BCL2L1: variants seen among roughly 807,000 people sequenced by gnomAD.
BCL2L1 encodes the protein BCL2 like 1.
BCL2L1 carries 1 observed loss-of-function variant against 18.7 expected under a neutral mutation model. The observed-to-expected ratio is 0.05, with a 90% CI of 0.02 to 0.25. BCL2L1 has a LOEUF of 0.25. Among genes scored for constraint, BCL2L1 ranks in the 10% least tolerant of loss-of-function variants. The probability of loss-of-function intolerance (pLI) is 1.00; values close to 1 mark genes in which losing one functional copy is unlikely to be tolerated. For synonymous variants in BCL2L1, 103 were observed against 122.7 expected, an observed-to-expected ratio of 0.84 and a Z score of 1.06; for missense variants, 207 against 304.9, an observed-to-expected ratio of 0.68 and a Z score of 2.39.
chr20:31,665,889 C>T lies in BCL2L1; in HGVS notation c.*60G>A, dbSNP rs967769834. ...TCTCCTGGTGGCAATGGCGGCTGGA[C>T]GGAGGATGTGGTGGAGCAGAGAAGG... On this transcript the variant is annotated 3_prime_UTR_variant, in exon 3 of 3. Coordinates refer to ENST00000307677, the MANE Select transcript of BCL2L1 (RefSeq NM_138578.3). 33 of 1,586,528 alleles carry T rather than the reference C, an allele frequency of 2.1e-5. No individual in the cohort carries two copies. Among genetic ancestry groups the T allele is most frequent in the African/African-American group, 5.4e-5 (4 of 74,370 alleles).
At chr20:31,721,001 G>A (rs6060898) in intron 2 of BCL2L1, 18 of 984,114 alleles carry the variant, frequency 1.8e-5, no homozygotes, top group East Asian at 2.3e-4. Flanking sequence ...GCAGAAAGTC[G>A]CACACTTTGG....
chr20:31,692,160 T>C (rs1436312923), intron 2 of BCL2L1, among the ~76,000 whole-genome samples: 1 of 152,232 alleles, frequency 6.6e-6, no homozygotes, highest in African/African-American at 2.4e-5. Context: ...AGCCCAGCAA[T>C]CTGAGGTTTA....
At chr20:31,683,769 CAAAAAAAAAAAA>C (rs372160646) in intron 2 of BCL2L1, among the ~76,000 whole-genome samples, 3 of 80,666 alleles carry the variant, frequency 3.7e-5, no homozygotes, top group East Asian at 1.9e-3. Flanking sequence ...AACTCCATCT[CAAAAAAAAAAAA>C]AAAAAAAAAA....
chr20:31,665,932 G>C lies in BCL2L1; in HGVS notation c.*17C>G. 6.2e-7 allele frequency: 1 copy of C among 1,611,998 alleles called. No homozygotes were observed. Among genetic ancestry groups the C allele is most frequent in the Non-Finnish European group, 8.5e-7 (1 of 1,179,350 alleles). Reference sequence around the variant, plus strand: ...AGAGAAGGGGGTGGGAGGGTAGAGTGGATGGTCAGTGTCTGGTCATTTCCG... The same window carrying C: ...AGAGAAGGGGGTGGGAGGGTAGAGTCGATGGTCAGTGTCTGGTCATTTCCG... On this transcript the variant is annotated 3_prime_UTR_variant, in exon 3 of 3. Coordinates refer to ENST00000307677, the MANE Select transcript of BCL2L1 (RefSeq NM_138578.3).
intron 2 of BCL2L1, among the ~76,000 whole-genome samples, chr20:31,670,203 C>A (rs1331562228): frequency 6.6e-6 from 1 of 152,210 alleles, no homozygotes; most frequent in Non-Finnish European, 1.5e-5. Flanking sequence ...CCCTCTCCAT[C>A]CTAGCTAGCC....
intron 2 of BCL2L1, among the ~76,000 whole-genome samples, chr20:31,685,036 T>C (rs1436807513): frequency 6.6e-6 from 1 of 152,210 alleles, no homozygotes; most frequent in Non-Finnish European, 1.5e-5. Flanking sequence ...AGAGACTCTA[T>C]ATAATTTTTA....
intron 2 of BCL2L1, among the ~76,000 whole-genome samples, chr20:31,681,888 T>C (rs1332689493): frequency 6.6e-6 from 1 of 151,984 alleles, no homozygotes; most frequent in Non-Finnish European, 1.5e-5. Context: ...AAAGTGTGGA[T>C]GGCAATAAGA....
intron 2 of BCL2L1, chr20:31,720,229 G>A (rs1600321237): frequency 2.2e-6 from 2 of 905,380 alleles, no homozygotes; most frequent in East Asian, 2.4e-4. Flanking sequence ...ATGAGAGAGG[G>A]GGTGGGGTTC....
At chr20:31,677,834 C>A (rs924190150) in intron 2 of BCL2L1, among the ~76,000 whole-genome samples, 1 of 152,206 alleles carries the variant, frequency 6.6e-6, no homozygotes, top group Non-Finnish European at 1.5e-5. Context: ...TCACTTCTTC[C>A]CCCATCTGAC....
At chr20:31,719,972 CAA>C (rs2061596330) in intron 2 of BCL2L1, 2 of 554,986 alleles carry the variant, frequency 3.6e-6, no homozygotes, top group African/African-American at 2.1e-5. Context: ...ATATTTGCCC[CAA>C]AAGAGAATCA....
At chr20:31,683,827 G>A (rs2060908321) in intron 2 of BCL2L1, among the ~76,000 whole-genome samples, 3 of 147,586 alleles carry the variant, frequency 2.0e-5, no homozygotes, top group Non-Finnish European at 4.5e-5. Context: ...CTTCATGAAG[G>A]CAGGTATCCC....
At chr20:31,679,610 C>T (rs188861771) in intron 2 of BCL2L1, among the ~76,000 whole-genome samples, 4 of 152,304 alleles carry the variant, frequency 2.6e-5, no homozygotes, top group Admixed American at 6.5e-5. Context: ...GTTCAATGGT[C>T]CATGGTAAGC....
intron 2 of BCL2L1, chr20:31,720,912 A>T (rs773590683): frequency 1.0e-6 from 1 of 985,374 alleles, no homozygotes; most frequent in Non-Finnish European, 1.2e-6. Context: ...GAGCTCCCCA[A>T]CCGACCCCAG....
chr20:31,696,158 AGACTG>A (rs2061166055), intron 2 of BCL2L1, among the ~76,000 whole-genome samples: 1 of 152,244 alleles, frequency 6.6e-6, no homozygotes, highest in Non-Finnish European at 1.5e-5. Flanking sequence ...TGGTTCGTTC[AGACTG>A]TATGTCCAAC....
At chr20:31,677,755 T>C (rs2060787246) in intron 2 of BCL2L1, among the ~76,000 whole-genome samples, 1 of 152,220 alleles carries the variant, frequency 6.6e-6, no homozygotes. Context: ...CTGGTGCTTC[T>C]ACCAAGCTCT....
At chr20:31,695,260 A>G (rs552247983) in intron 2 of BCL2L1, among the ~76,000 whole-genome samples, 77 of 152,256 alleles carry the variant, frequency 5.1e-4, no homozygotes, top group African/African-American at 1.8e-3. Context: ...CACATCAGAG[A>G]GATCCTTCTA....
At chr20:31,716,842 A>C (rs1462038105) in intron 2 of BCL2L1, 1 of 152,212 alleles carries the variant, frequency 6.6e-6, no homozygotes, top group African/African-American at 2.4e-5. Flanking sequence ...CTCTTCCTTC[A>C]GATATCTGAA....
At chr20:31,668,029 C>G (rs1376750368) in intron 2 of BCL2L1, among the ~76,000 whole-genome samples, 2 of 152,138 alleles carry the variant, frequency 1.3e-5, no homozygotes, top group Non-Finnish European at 2.9e-5. Context: ...CTAGTGGGAT[C>G]TGGCTCCAAC....
At chr20:31,695,503 G>A (rs970209431) in intron 2 of BCL2L1, among the ~76,000 whole-genome samples, 1 of 152,176 alleles carries the variant, frequency 6.6e-6, no homozygotes, top group Non-Finnish European at 1.5e-5. Flanking sequence ...GTCTTGCTCT[G>A]TCAGCCAGAC....
Sources: allele counts gnomAD v4.1 joint callset (sites outside exome capture counted in the v4.1 genomes callset), GRCh38; gene constraint gnomAD v4.1.1; transcripts MANE v1.5; gene names NCBI Gene and HGNC (gene_info 2026-07-23, HGNC 2026-07-21).